ADAMTS17: variants seen among roughly 807,000 people sequenced by gnomAD.
ADAMTS17 encodes the protein ADAM metallopeptidase with thrombospondin type 1 motif 17.
Under a neutral mutation model 141.5 loss-of-function variants are expected in ADAMTS17, and 113 were observed. The ratio of observed to expected loss-of-function variants is 0.80; its 90% CI spans 0.69 to 0.93. The LOEUF (loss-of-function observed/expected upper bound fraction) is 0.93, where lower values mean the gene tolerates loss of function less well. Ranked by LOEUF, ADAMTS17 falls within the 40% of genes least tolerant of loss-of-function variation. The probability of loss-of-function intolerance (pLI) is 0.00; values close to 1 mark genes in which losing one functional copy is unlikely to be tolerated. For synonymous variants in ADAMTS17, 768 were observed against 630.6 expected (o/e 1.22, Z -3.27); for missense variants, 1,659 against 1,517.9 (o/e 1.09, Z -1.54).
intron 7 of ADAMTS17, among the ~76,000 whole-genome samples, chr15:100,215,322 T>C (rs1262430744): frequency 6.6e-6 from 1 of 152,230 alleles, no homozygotes. Context: ...AGATTTCATG[T>C]CTGGATCTCG....
chr15:100,021,232 C>T (rs751473168), intron 18 of ADAMTS17, among the ~76,000 whole-genome samples: 4 of 152,130 alleles, frequency 2.6e-5, no homozygotes, highest in Non-Finnish European at 5.9e-5. Flanking sequence ...GGTGGGTGTG[C>T]GTGTCACAGA....
chr15:100,292,133 C>T (rs1420444768), intron 3 of ADAMTS17, among the ~76,000 whole-genome samples: 3 of 150,908 alleles, frequency 2.0e-5, no homozygotes, highest in African/African-American at 7.3e-5. Context: ...ACGCTCAGCC[C>T]GTGGGGAGTC....
chr15:100,144,412 T>C (rs2038801566), intron 10 of ADAMTS17, among the ~76,000 whole-genome samples: 1 of 152,112 alleles, frequency 6.6e-6, no homozygotes, highest in African/African-American at 2.4e-5. Context: ...TAGCCGGGCG[T>C]GGTGGAAGGC....
chr15:100,214,119 C>T (rs747323072), intron 7 of ADAMTS17, among the ~76,000 whole-genome samples: 4 of 152,146 alleles, frequency 2.6e-5, no homozygotes, highest in Non-Finnish European at 5.9e-5. Context: ...TGGCGCCCTC[C>T]TGAATGGAAC....
At chr15:100,258,702 G>A (rs996230554) in intron 6 of ADAMTS17, among the ~76,000 whole-genome samples, 2 of 151,832 alleles carry the variant, frequency 1.3e-5, no homozygotes, top group Admixed American at 1.3e-4. Context: ...GATGAGATTT[G>A]GGTGGGGACA....
At chr15:100,223,234 C>G (rs986889826) in intron 7 of ADAMTS17, among the ~76,000 whole-genome samples, 4 of 152,334 alleles carry the variant, frequency 2.6e-5, no homozygotes, top group Middle Eastern at 3.4e-3. Flanking sequence ...TTAGCTCCAG[C>G]TCACTGCTGC....
At chr15:100,081,382 A>G (rs1396662223) in intron 15 of ADAMTS17, among the ~76,000 whole-genome samples, 3 of 152,182 alleles carry the variant, frequency 2.0e-5, no homozygotes, top group African/African-American at 7.2e-5. Context: ...ATACACACAC[A>G]CTACTTAATA....
intron 20 of ADAMTS17, among the ~76,000 whole-genome samples, chr15:99,977,692 A>G (rs958420722): frequency 2.6e-5 from 4 of 151,980 alleles, no homozygotes; most frequent in African/African-American, 7.3e-5. Flanking sequence ...CTGGGATTAC[A>G]GGAGTGAGCC....
At chr15:100,259,501 A>T (rs1346700109) in intron 6 of ADAMTS17, among the ~76,000 whole-genome samples, 1 of 152,228 alleles carries the variant, frequency 6.6e-6, no homozygotes, top group South Asian at 2.1e-4. Flanking sequence ...TGGAGTGGGC[A>T]AGTCCAGGTC....
intron 20 of ADAMTS17, among the ~76,000 whole-genome samples, chr15:99,977,726 C>T (rs967615557): frequency 6.6e-6 from 1 of 151,852 alleles, no homozygotes; most frequent in Non-Finnish European, 1.5e-5. Flanking sequence ...TCTCTTCACA[C>T]TCCTTAAAGC....
intron 2 of ADAMTS17, among the ~76,000 whole-genome samples, chr15:100,336,286 C>G (rs1446047243): frequency 6.6e-6 from 1 of 152,150 alleles, no homozygotes; most frequent in African/African-American, 2.4e-5. Flanking sequence ...AGGAGGAAAA[C>G]AAGAGTATGC....
At chr15:99,980,192 G>C (rs2060455055) in intron 20 of ADAMTS17, 1 of 152,242 alleles carries the variant, frequency 6.6e-6, no homozygotes, top group Non-Finnish European at 1.5e-5. Context: ...ATGGTGGTGA[G>C]CACCTGTAAT....
rs759641429 is a variant in ADAMTS17 at position 100,281,337 on chromosome 15, C to T, written c.681G>A (p.Arg227=). The change falls in exon 4 of 22, where the codon CGG becomes CGA. Residue 227 remains arginine (R), a synonymous_variant. Coordinates refer to ENST00000268070, the MANE Select transcript of ADAMTS17 (RefSeq NM_139057.4). ...RDWRERRNAI[R]LTSEHTVETL... Reference sequence around the variant, plus strand: ...TCTCCACCGTGTGCTCGCTGGTGAGCCGGATAGCGTTCCTCCGCTCCCGCC... The same window carrying T: ...TCTCCACCGTGTGCTCGCTGGTGAGTCGGATAGCGTTCCTCCGCTCCCGCC... 5.6e-6 allele frequency: 9 copies of T among 1,610,774 alleles called. No homozygotes were observed. In the Admixed American group the frequency reaches 1.5e-4, roughly 27 times the overall value.
In ADAMTS17 at chr15:100,132,481, G is replaced by A. The variant is rs181874319; in HGVS notation, c.1576-329C>T. Among the ~76,000 whole-genome samples the A allele has an allele frequency of 5.4e-4, 82 of 152,330 alleles. 2 individuals are homozygous for A. Among genetic ancestry groups the A allele is most frequent in the African/African-American group, 1.8e-3 (73 of 41,578 alleles). ...TGCAAACTTTGTTTGACGTGAGTGC[G>A]TTTCTCGCTGGGAGGCGGCATGCCC... On this transcript the variant is annotated intron_variant, in intron 11 of 21. Transcript: ENST00000268070.
chr15:100,058,947 C>T (rs867023238), intron 15 of ADAMTS17, among the ~76,000 whole-genome samples: 1 of 152,190 alleles, frequency 6.6e-6, no homozygotes, highest in Non-Finnish European at 1.5e-5. Flanking sequence ...TAGCGGCAGC[C>T]GGTTCTCTGG....
intron 10 of ADAMTS17, among the ~76,000 whole-genome samples, chr15:100,145,642 C>T (rs938693192): frequency 6.6e-6 from 1 of 152,066 alleles, no homozygotes; most frequent in Non-Finnish European, 1.5e-5. Flanking sequence ...GTCAAGAACC[C>T]TAATGTAATG....
intron 7 of ADAMTS17, among the ~76,000 whole-genome samples, chr15:100,236,148 A>G (rs1409381763): frequency 6.6e-6 from 1 of 152,206 alleles, no homozygotes; most frequent in Non-Finnish European, 1.5e-5. Context: ...GAACACAGGA[A>G]GTAACTCGGA....
At chr15:100,096,879 G>A (rs993785078) in intron 14 of ADAMTS17, among the ~76,000 whole-genome samples, 5 of 152,200 alleles carry the variant, frequency 3.3e-5, no homozygotes, top group Admixed American at 1.3e-4. Flanking sequence ...CCTCTAGGCT[G>A]TGGGGGTCAC....
At chr15:100,302,917 C>G (rs981115336) in intron 3 of ADAMTS17, among the ~76,000 whole-genome samples, 3 of 152,034 alleles carry the variant, frequency 2.0e-5, no homozygotes, top group Non-Finnish European at 4.4e-5. Flanking sequence ...AGAAGAGAAA[C>G]TGGCCTGGCC....
Sources: gnomAD v4.1 joint callset for allele counts (sites outside exome capture counted in the v4.1 genomes callset) on GRCh38, gnomAD v4.1.1 for gene constraint, MANE v1.5 for transcripts, NCBI Gene and HGNC (gene_info 2026-07-23, HGNC 2026-07-21) for gene names.